The following KIF1A variants were observed in gnomAD, a reference collection of about 807,000 sequenced individuals.
The protein encoded by KIF1A is kinesin family member 1A.
In KIF1A, 46 loss-of-function variants were observed where a neutral mutation model predicts 227.3. The ratio of observed to expected loss-of-function variants is 0.20; its 90% CI spans 0.16 to 0.26. KIF1A has a LOEUF of 0.26. Among genes scored for constraint, KIF1A ranks in the 10% least tolerant of loss-of-function variants. The pLI, the probability that KIF1A is intolerant of heterozygous loss-of-function variation, is 1.00. For synonymous variants in KIF1A, 1,022 were observed against 1,012.8 expected, an observed-to-expected ratio of 1.01 and a Z score of -0.17; for missense variants, 1,683 against 2,485.9, an observed-to-expected ratio of 0.68 and a Z score of 6.87.
intron 44 of KIF1A, 62 bp downstream of exon 44, chr2:240,721,745 G>A: frequency 2.2e-6 from 3 of 1,342,042 alleles, no homozygotes; most frequent in Admixed American, 1.9e-5. Context: ...TTTCCTCAGG[G>A]ACCACTGCCT....
chr2:240,720,906 T>C lies in KIF1A; in HGVS notation c.4868+8A>G. ...AGAAGCCACTCCGGGAGCCTGGAGC[T>C]CACTCACCTCAGGTCAGTGGCACCG... is the stretch of plus-strand genomic sequence containing the variant. On this transcript the variant is annotated splice_region_variant and intron_variant, in intron 45 of 48. Transcript: ENST00000498729. 1 of 1,553,190 alleles carries C rather than the reference T, an allele frequency of 6.4e-7. No homozygotes were observed. Among genetic ancestry groups the C allele is most frequent in the Admixed American group, 1.9e-5 (1 of 53,034 alleles).
At chr2:240,805,367 A>C (rs58725182) in intron 1 of KIF1A, among the ~76,000 whole-genome samples, 10,592 of 152,330 alleles carry the variant, frequency 0.07, 485 homozygotes, top group East Asian at 0.14. Flanking sequence ...AATTATTTAA[A>C]ACTGAAAACT....
At chr2:240,761,197 A>G (rs1358994028) in intron 24 of KIF1A, 32 bp downstream of exon 24, 7 of 1,594,708 alleles carry the variant, frequency 4.4e-6, no homozygotes, top group Non-Finnish European at 6.0e-6. Flanking sequence ...ACTCTCTCCA[A>G]CAGGAAACGG....
intron 10 of KIF1A, chr2:240,781,660 T>C: frequency 1.5e-6 from 1 of 685,100 alleles, no homozygotes; most frequent in Non-Finnish European, 1.8e-6. Flanking sequence ...CCACACACAA[T>C]TCCCCACGCA....
At chr2:240,728,355 C>T in intron 38 of KIF1A, 1 of 1,278,328 alleles carries the variant, frequency 7.8e-7, no homozygotes, top group Non-Finnish European at 1.0e-6. Context: ...AGAGGACAGA[C>T]CAAGCAAGGG....
intron 10 of KIF1A, among the ~76,000 whole-genome samples, 191 bp downstream of exon 10, chr2:240,782,399 C>G (rs1423433911): frequency 6.6e-6 from 1 of 152,198 alleles, no homozygotes; most frequent in South Asian, 2.1e-4. Flanking sequence ...GGACGCCCTC[C>G]GTCCCCGCAG....
chr2:240,761,382 G>A lies in KIF1A; in HGVS notation c.2117-5C>T. 6.3e-7 allele frequency: 1 copy of A among 1,592,256 alleles called. No homozygotes were observed. Among genetic ancestry groups the A allele is most frequent in the Non-Finnish European group, 8.6e-7 (1 of 1,165,822 alleles). ...ACTCCCGCTCTGTCCACTGGACTGT[G>A]GGGAGAGGTCACACGTGGTCATCGC... is the stretch of plus-strand genomic sequence containing the variant. On this transcript the variant is annotated splice_region_variant and splice_polypyrimidine_tract_variant and intron_variant, in intron 23 of 48. Transcript: ENST00000498729.
chr2:240,734,579 G>A (rs564353958), intron 38 of KIF1A: 6 of 462,078 alleles, frequency 1.3e-5, no homozygotes, highest in South Asian at 3.4e-5. Flanking sequence ...GGAACAGGAG[G>A]ACAGGTGAGC....
chr2:240,815,829 G>A (rs992140036), intron 1 of KIF1A, among the ~76,000 whole-genome samples: 1 of 152,174 alleles, frequency 6.6e-6, no homozygotes, highest in Non-Finnish European at 1.5e-5. Flanking sequence ...CTCCATACCT[G>A]GAAAATGGGA....
intron 8 of KIF1A, among the ~76,000 whole-genome samples, chr2:240,783,464 C>T (rs1418642085): frequency 6.6e-6 from 1 of 152,234 alleles, no homozygotes; most frequent in Non-Finnish European, 1.5e-5. Context: ...GCCCCAATCT[C>T]CCCAGGGAAG....
rs1416310846 is a variant in KIF1A, at chr2:240,746,175, G to C, written c.3066C>G (p.Phe1022Leu). Residue 1022 changes from phenylalanine (F) to leucine (L), a missense_variant and splice_region_variant, in exon 30 of 49, where the codon TTC becomes TTG. This residue lies in a region of KIF1A where 759 missense variants were observed against 1,020.2 expected (regional missense o/e 0.74). Coordinates refer to ENST00000498729, the MANE Select transcript of KIF1A (RefSeq NM_001244008.2). ...CCACCACGGGGCAAGACTCGGACTG[G>C]AACTGATCAGAGGGGGACCAGAGTC... ...ISFDDQHFEK[F>L]QSESCPVVGM... 1.9e-6 allele frequency: 3 copies of C among 1,560,454 alleles called. No homozygotes were observed. Among genetic ancestry groups the C allele is most frequent in the East Asian group, 4.8e-5 (2 of 41,676 alleles).
intron 29 of KIF1A, 56 bp from the exon 30 acceptor site, chr2:240,746,233 C>G: frequency 6.5e-7 from 1 of 1,533,906 alleles, no homozygotes; most frequent in Non-Finnish European, 8.8e-7. Flanking sequence ...AGGAGGGGCA[C>G]CGTAGACCCT....
chr2:240,732,768 GAGGGATAAGGGATGAGGGGATA>G (rs2046875914), intron 38 of KIF1A, among the ~76,000 whole-genome samples: 1 of 72,498 alleles, frequency 1.4e-5, no homozygotes, highest in Non-Finnish European at 2.8e-5. Flanking sequence ...GGGAATGAGG[GAGGGATAAGGGATGAGGGGATA>G]AGGGATGAGG....
At chr2:240,763,883 C>T (rs932511424) in intron 20 of KIF1A, among the ~76,000 whole-genome samples, 1 of 152,192 alleles carries the variant, frequency 6.6e-6, no homozygotes, top group Non-Finnish European at 1.5e-5. Context: ...GAAGCAGGGA[C>T]GGCCACTAGC....
At chr2:240,720,080 G>C (rs1305691067) in intron 45 of KIF1A, 154 bp from the exon 46 acceptor site, 1 of 631,962 alleles carries the variant, frequency 1.6e-6, no homozygotes, top group Non-Finnish European at 2.4e-6. Context: ...AGCTCCCGGG[G>C]CCCGTCCACC....
intron 5 of KIF1A, 77 bp from the exon 6 acceptor site, chr2:240,786,590 G>C: frequency 3.6e-6 from 5 of 1,388,004 alleles, no homozygotes; most frequent in Non-Finnish European, 5.0e-6. Context: ...CCCTGAGTGA[G>C]GGGGTAGGGG....
At chr2:240,774,763 G>C (rs879289091) in intron 11 of KIF1A, among the ~76,000 whole-genome samples, 1 of 152,126 alleles carries the variant, frequency 6.6e-6, no homozygotes, top group Non-Finnish European at 1.5e-5. Flanking sequence ...TCTCTTGAGG[G>C]AATCCTGTCT....
chr2:240,797,838 A>T lies in KIF1A; in HGVS notation c.-60-26T>A, dbSNP rs1029409866. The T allele has an allele frequency of 3.7e-6, 3 of 805,588 alleles. No homozygotes were observed. The East Asian group carries it at 8.0e-5, about 21-fold the overall frequency. The allele number at this position is 805,588 out of a possible 1,614,324, so 49.9% of individuals were successfully genotyped here. On this transcript the variant is annotated intron_variant, in intron 1 of 48. Transcript: ENST00000498729. Reference sequence around the variant, plus strand: ...CTTGGAAAAAAGGGAAACATGAATTAGAAACAATATCTGAGGAGGCAGGAC... The same window carrying T: ...CTTGGAAAAAAGGGAAACATGAATTTGAAACAATATCTGAGGAGGCAGGAC...
At position 240,773,118 on chromosome 2, in the gene KIF1A, A is replaced by G; in HGVS notation, c.1176T>C (p.Thr392=). The change falls in exon 13 of 49, where the codon ACT becomes ACC. Residue 392 remains threonine (T), a synonymous_variant. Transcript: ENST00000498729. ...LLYAQGLGDI[T]DTNTVPGGPK... ...CAGGCTGGAGCAGGCACTCACTGTC[A>G]GTGATGTCGCCAAGACCCTGGGCGT... 6.2e-7 allele frequency: 1 copy of G among 1,612,078 alleles called. No individual in the cohort carries two copies. The highest frequency in any genetic ancestry group is 8.5e-7 in the Non-Finnish European group (1 of 1,179,080).
Sources: gnomAD v4.1 joint callset for allele counts (sites outside exome capture counted in the v4.1 genomes callset) on GRCh38, gnomAD v4.1.1 for gene constraint, gnomAD v4.1.1 regional missense constraint, MANE v1.5 for transcripts, NCBI Gene and HGNC (gene_info 2026-07-23, HGNC 2026-07-21) for gene names.